GALNTL6: variants seen among roughly 807,000 people sequenced by gnomAD.
GALNTL6 encodes the protein polypeptide N-acetylgalactosaminyltransferase like 6.
GALNTL6 carries 46 observed loss-of-function variants against 73.7 expected under a neutral mutation model. The observed-to-expected ratio is 0.62, with a 90% CI of 0.49 to 0.80. The LOEUF (loss-of-function observed/expected upper bound fraction) is 0.80, where lower values mean the gene tolerates loss of function less well. GALNTL6 is among the 30% of genes least tolerant of loss of function. The pLI, the probability that GALNTL6 is intolerant of heterozygous loss-of-function variation, is 0.00. For synonymous variants in GALNTL6, 259 were observed against 263.7 expected, an observed-to-expected ratio of 0.98 and a Z score of 0.17; for missense variants, 604 against 755.0, an observed-to-expected ratio of 0.80 and a Z score of 2.34.
intron 5 of GALNTL6, among the ~76,000 whole-genome samples, chr4:172,670,351 G>T (rs192456730): frequency 6.6e-6 from 1 of 151,934 alleles, no homozygotes; most frequent in South Asian, 2.1e-4. Flanking sequence ...TTTCTGTTTG[G>T]TGTGAGATGG....
chr4:172,419,009 A>G (rs1410985976), intron 5 of GALNTL6, among the ~76,000 whole-genome samples: 1 of 152,144 alleles, frequency 6.6e-6, no homozygotes, highest in Non-Finnish European at 1.5e-5. Context: ...TTACTATGAA[A>G]TCAATTAATC....
intron 5 of GALNTL6, among the ~76,000 whole-genome samples, chr4:172,575,652 T>C (rs1458702393): frequency 1.3e-5 from 2 of 152,226 alleles, no homozygotes; most frequent in Non-Finnish European, 2.9e-5. Flanking sequence ...TATTCTACTT[T>C]CTAATATTTT....
chr4:171,903,424 C>A (rs568449210), intron 2 of GALNTL6, among the ~76,000 whole-genome samples: 2 of 152,088 alleles, frequency 1.3e-5, no homozygotes, highest in Admixed American at 1.3e-4. Flanking sequence ...CCAAATACTG[C>A]GCTTTGCCGA....
intron 2 of GALNTL6, among the ~76,000 whole-genome samples, chr4:172,138,477 C>CCATATATATA (rs1553995882): frequency 1.2e-4 from 1 of 8,688 alleles, no homozygotes; most frequent in Non-Finnish European, 2.1e-4. Context: ...CTTGGACTGC[C>CCATATATATA]TATATATATA....
At chr4:172,765,502 T>A (rs1339582425) in intron 5 of GALNTL6, among the ~76,000 whole-genome samples, 2 of 151,330 alleles carry the variant, frequency 1.3e-5, no homozygotes, top group African/African-American at 2.4e-5. Context: ...GAGCTGGATA[T>A]TCTGCCCTAA....
chr4:172,031,147 G>A (rs772219666), intron 2 of GALNTL6, among the ~76,000 whole-genome samples: 3 of 151,990 alleles, frequency 2.0e-5, no homozygotes, highest in East Asian at 1.9e-4. Flanking sequence ...GCCGTTTCTC[G>A]GCCTTATGAC....
chr4:172,265,692 A>G (rs181243320), intron 3 of GALNTL6, among the ~76,000 whole-genome samples: 167 of 152,232 alleles, frequency 1.1e-3, no homozygotes, highest in African/African-American at 3.7e-3. Flanking sequence ...GTGAACAAAG[A>G]TACAAATACT....
intron 2 of GALNTL6, among the ~76,000 whole-genome samples, chr4:171,965,159 C>T (rs1244795565): frequency 6.6e-6 from 1 of 152,142 alleles, no homozygotes; most frequent in African/African-American, 2.4e-5. Context: ...TTAGGCACCT[C>T]TAATAATAGT....
chr4:172,397,803 T>C (rs1743903990), intron 5 of GALNTL6, among the ~76,000 whole-genome samples: 1 of 152,106 alleles, frequency 6.6e-6, no homozygotes, highest in African/African-American at 2.4e-5. Flanking sequence ...GGTCTCGATC[T>C]CTTGACCTTG....
intron 5 of GALNTL6, among the ~76,000 whole-genome samples, chr4:172,737,685 T>C (rs1380256266): frequency 6.6e-6 from 1 of 152,196 alleles, no homozygotes; most frequent in Non-Finnish European, 1.5e-5. Flanking sequence ...CTTGTGGGTA[T>C]ACATCTATGT....
chr4:172,787,181 G>T (rs1739708703), intron 5 of GALNTL6, among the ~76,000 whole-genome samples: 3 of 152,172 alleles, frequency 2.0e-5, no homozygotes, highest in Non-Finnish European at 4.4e-5. Flanking sequence ...GGTCAAGGTG[G>T]GGAGAAGTGC....
chr4:173,039,539 T>G (rs1466410943), intron 12 of GALNTL6, among the ~76,000 whole-genome samples: 3 of 152,172 alleles, frequency 2.0e-5, no homozygotes, highest in Non-Finnish European at 4.4e-5. Flanking sequence ...TTTTTGTGTA[T>G]GTGTTTCTTC....
At chr4:172,206,820 T>TTTG (rs1554003023) in intron 2 of GALNTL6, among the ~76,000 whole-genome samples, 1,251 of 73,902 alleles carry the variant, frequency 0.017, 90 homozygotes, top group African/African-American at 0.047. Context: ...TTTTGTTTGT[T>TTTG]TTTTTTTTTT....
intron 5 of GALNTL6, among the ~76,000 whole-genome samples, chr4:172,780,379 C>T (rs902354586): frequency 3.5e-4 from 53 of 152,260 alleles, no homozygotes; most frequent in African/African-American, 1.2e-3. Flanking sequence ...AAAATTTGGG[C>T]AGGTAAACTT....
intron 5 of GALNTL6, among the ~76,000 whole-genome samples, chr4:172,647,820 C>A (rs542480993): frequency 8.5e-5 from 13 of 152,114 alleles, no homozygotes; most frequent in African/African-American, 2.9e-4. Flanking sequence ...GTCAATCTCC[C>A]AGTGCACCCT....
chr4:173,004,622 A>G (rs550610466), intron 10 of GALNTL6, among the ~76,000 whole-genome samples: 1 of 152,186 alleles, frequency 6.6e-6, no homozygotes, highest in Non-Finnish European at 1.5e-5. Flanking sequence ...GTGAAACTCC[A>G]TCTAACTAAC....
chr4:172,165,579 A>G (rs1466592002), intron 2 of GALNTL6, among the ~76,000 whole-genome samples: 2 of 152,204 alleles, frequency 1.3e-5, no homozygotes, highest in African/African-American at 4.8e-5. Flanking sequence ...ATTTAAGTAT[A>G]GAATGGTAGC....
At chr4:172,710,815 A>C (rs187629645) in intron 5 of GALNTL6, among the ~76,000 whole-genome samples, 198 of 152,278 alleles carry the variant, frequency 1.3e-3, no homozygotes, top group Non-Finnish European at 2.2e-3. Context: ...GATTTCCCCA[A>C]ATGAGTGCTA....
intron 8 of GALNTL6, among the ~76,000 whole-genome samples, chr4:172,916,781 A>G (rs1747545288): frequency 6.6e-6 from 1 of 152,198 alleles, no homozygotes. Context: ...TTCCCTGCTC[A>G]TGAATAGAAA....
Sources: gnomAD v4.1 joint callset for allele counts (sites outside exome capture counted in the v4.1 genomes callset) on GRCh38, gnomAD v4.1.1 for gene constraint, MANE v1.5 for transcripts, NCBI Gene and HGNC (gene_info 2026-07-23, HGNC 2026-07-21) for gene names.